The following C10orf90 variants were observed in gnomAD, a reference collection of about 807,000 sequenced individuals.
C10orf90 encodes (E2-independent) E3 ubiquitin-conjugating enzyme FATS.
C10orf90 carries 56 observed loss-of-function variants against 62.5 expected under a neutral mutation model. The observed-to-expected ratio is 0.90, with a 90% CI of 0.72 to 1.12. C10orf90 has a LOEUF of 1.12. C10orf90 is among the 50% of genes most tolerant of loss of function. The pLI, the probability that C10orf90 is intolerant of heterozygous loss-of-function variation, is 0.00. For missense variants in C10orf90, 970 were observed against 880.4 expected (o/e 1.10, Z -1.29); for synonymous variants, 386 against 340.4 (o/e 1.13, Z -1.47).
At chr10:126,613,196 G>T (rs1845474287) in intron 2 of C10orf90, among the ~76,000 whole-genome samples, 1 of 152,110 alleles carries the variant, frequency 6.6e-6, no homozygotes, top group South Asian at 2.1e-4. Context: ...AAAGACCAAA[G>T]CTACAGGTGA....
chr10:126,533,603 G>A (rs116303944), intron 2 of C10orf90, among the ~76,000 whole-genome samples: 1,690 of 152,278 alleles, frequency 0.011, 40 homozygotes, highest in African/African-American at 0.038. Flanking sequence ...TCTTGGGGAC[G>A]GGAGCCCCCA....
chr10:126,584,666 G>C (rs919071861), intron 2 of C10orf90, among the ~76,000 whole-genome samples: 2 of 152,190 alleles, frequency 1.3e-5, no homozygotes, highest in Non-Finnish European at 2.9e-5. Flanking sequence ...CAGCACAAGA[G>C]ACCAAGGGAC....
At chr10:126,582,993 A>T (rs186105184) in intron 2 of C10orf90, among the ~76,000 whole-genome samples, 5 of 152,280 alleles carry the variant, frequency 3.3e-5, no homozygotes, top group African/African-American at 1.2e-4. Flanking sequence ...GGTTCTGGAT[A>T]ATTCTTAGTT....
chr10:126,588,179 G>A (rs986229072), intron 2 of C10orf90, among the ~76,000 whole-genome samples: 3 of 152,194 alleles, frequency 2.0e-5, no homozygotes, highest in African/African-American at 2.4e-5. Flanking sequence ...CCAGGCGGTC[G>A]GAACCAGAAC....
At chr10:126,436,258 G>C (rs1279361962) in intron 7 of C10orf90, among the ~76,000 whole-genome samples, 2 of 152,156 alleles carry the variant, frequency 1.3e-5, no homozygotes, top group Non-Finnish European at 2.9e-5. Flanking sequence ...CCTCCTAGGG[G>C]AGCTCAGCAG....
At chr10:126,666,505 C>T (rs923373847) in intron 1 of C10orf90, among the ~76,000 whole-genome samples, 3 of 152,010 alleles carry the variant, frequency 2.0e-5, no homozygotes, top group African/African-American at 7.3e-5. Context: ...GAGACAAGGA[C>T]CTTAAAGCAG....
At chr10:126,485,143 G>A (rs1861361444) in intron 4 of C10orf90, among the ~76,000 whole-genome samples, 1 of 152,168 alleles carries the variant, frequency 6.6e-6, no homozygotes, top group Non-Finnish European at 1.5e-5. Flanking sequence ...AATTGGATTA[G>A]TGACTTTATA....
chr10:126,502,862 A>T (rs1862486285), intron 4 of C10orf90: 1 of 513,752 alleles, frequency 1.9e-6, no homozygotes, highest in Non-Finnish European at 3.9e-6. Flanking sequence ...CAATGGTTTA[A>T]TCAATCTGAA....
At chr10:126,633,018 C>G (rs1268887528) in intron 2 of C10orf90, among the ~76,000 whole-genome samples, 2 of 152,194 alleles carry the variant, frequency 1.3e-5, no homozygotes, top group Non-Finnish European at 2.9e-5. Flanking sequence ...CAACAGATAC[C>G]TGAATCCCAT....
At chr10:126,650,399 T>C (rs1369979133) in intron 1 of C10orf90, among the ~76,000 whole-genome samples, 2 of 152,226 alleles carry the variant, frequency 1.3e-5, no homozygotes, top group African/African-American at 2.4e-5. Context: ...AAGCCTGGTG[T>C]CACGTGAGGA....
intron 2 of C10orf90, among the ~76,000 whole-genome samples, chr10:126,549,868 C>A (rs1363778812): frequency 2.0e-5 from 3 of 151,970 alleles, no homozygotes; most frequent in Non-Finnish European, 4.4e-5. Flanking sequence ...ATGCAACAAC[C>A]TGAATGAACC....
Position 126,660,307 on chromosome 10 carries a change from G to A in C10orf90, c.240+9934C>T, listed in dbSNP as rs146209950. ...CAGTTGACATTGAGTCAATCAAAAG[G>A]GAGATTATATCAGACAGGCCTGACC... On this transcript the variant is annotated intron_variant, in intron 1 of 9. Transcript: ENST00000488181. Among the ~76,000 whole-genome samples the A allele has an allele frequency of 4.7e-4, 71 of 152,290 alleles. 1 individual carries two copies. The highest frequency in any genetic ancestry group is 1.7e-3 in the African/African-American group (71 of 41,562).
intron 1 of C10orf90, among the ~76,000 whole-genome samples, chr10:126,665,911 C>G (rs1453769934): frequency 1.3e-5 from 2 of 152,164 alleles, no homozygotes; most frequent in Admixed American, 1.3e-4. Flanking sequence ...GAGAAAAATA[C>G]CTGAAACCAA....
At chr10:126,559,297 G>A (rs1864849087) in intron 2 of C10orf90, among the ~76,000 whole-genome samples, 2 of 152,202 alleles carry the variant, frequency 1.3e-5, no homozygotes, top group South Asian at 4.1e-4. Flanking sequence ...CTGTTATAAT[G>A]AGCACCTATT....
intron 2 of C10orf90, among the ~76,000 whole-genome samples, chr10:126,604,045 G>C (rs141150566): frequency 1.3e-5 from 2 of 152,330 alleles, no homozygotes; most frequent in East Asian, 3.9e-4. Flanking sequence ...GGAAGGGATG[G>C]TTGTGTTCAC....
intron 2 of C10orf90, among the ~76,000 whole-genome samples, chr10:126,527,689 C>T (rs561176624): frequency 7.9e-5 from 12 of 152,104 alleles, no homozygotes; most frequent in East Asian, 7.7e-4. Flanking sequence ...TCCCCATCTG[C>T]GAAACAGGGA....
At chr10:126,512,552 G>A (rs1863193599) in intron 3 of C10orf90, among the ~76,000 whole-genome samples, 1 of 152,058 alleles carries the variant, frequency 6.6e-6, no homozygotes, top group African/African-American at 2.4e-5. Context: ...AAAAACAGGT[G>A]ACAAATATCC....
At chr10:126,574,420 A>G (rs1261879691) in intron 2 of C10orf90, among the ~76,000 whole-genome samples, 2 of 152,146 alleles carry the variant, frequency 1.3e-5, no homozygotes, top group Non-Finnish European at 2.9e-5. Flanking sequence ...TGACCTCACT[A>G]TAAAGAAGAA....
intron 4 of C10orf90, among the ~76,000 whole-genome samples, chr10:126,485,522 C>T (rs1003130098): frequency 1.3e-5 from 2 of 152,020 alleles, no homozygotes; most frequent in African/African-American, 4.8e-5. Flanking sequence ...GCAAAAAAGT[C>T]CTAACTTTTT....
Sources: gnomAD v4.1 joint callset for allele counts (sites outside exome capture counted in the v4.1 genomes callset) on GRCh38, gnomAD v4.1.1 for gene constraint, MANE v1.5 for transcripts, NCBI Gene and HGNC (gene_info 2026-07-23, HGNC 2026-07-21) for gene names.